Variants in DOCK4 observed in about 807,000 individuals in gnomAD.
DOCK4 encodes dedicator of cytokinesis 4, also known as dedicator of cytokinesis protein 4.
In DOCK4, 97 loss-of-function variants were observed where a neutral mutation model predicts 268.1. The observed-to-expected ratio is 0.36, with a 90% confidence interval of 0.31 to 0.43. The LOEUF is 0.43. Ranked by LOEUF, DOCK4 falls within the 20% of genes least tolerant of loss-of-function variation. The probability of loss-of-function intolerance (pLI) is 1.00; values close to 1 mark genes in which losing one functional copy is unlikely to be tolerated. For synonymous variants in DOCK4, 954 were observed against 887.2 expected, an observed-to-expected ratio of 1.08 and a Z score of -1.34; for missense variants, 2,145 against 2,455.7, an observed-to-expected ratio of 0.87 and a Z score of 2.67.
At chr7:112,034,523 T>C (rs1253501520) in intron 1 of DOCK4, among the ~76,000 whole-genome samples, 1 of 152,234 alleles carries the variant, frequency 6.6e-6, no homozygotes, top group East Asian at 1.9e-4. Context: ...GAAGGCACCC[T>C]GACCACATTC....
At chr7:112,105,991 A>G (rs1032555700) in intron 1 of DOCK4, among the ~76,000 whole-genome samples, 2 of 152,170 alleles carry the variant, frequency 1.3e-5, no homozygotes, top group Non-Finnish European at 2.9e-5. Flanking sequence ...GCGCCCAGCC[A>G]GAGCCTTTAT....
intron 1 of DOCK4, among the ~76,000 whole-genome samples, chr7:112,070,579 G>T: frequency 6.6e-6 from 1 of 152,108 alleles, no homozygotes; most frequent in Non-Finnish European, 1.5e-5. Context: ...GAATATTTAG[G>T]TTCCTGAAGC....
intron 1 of DOCK4, chr7:112,023,619 C>T: frequency 2.2e-6 from 1 of 451,948 alleles, no homozygotes; most frequent in Admixed American, 2.4e-5. Flanking sequence ...TATTGAAGGG[C>T]TTTTGTTTGT....
At chr7:112,118,906 A>G (rs1812436506) in intron 1 of DOCK4, among the ~76,000 whole-genome samples, 1 of 152,056 alleles carries the variant, frequency 6.6e-6, no homozygotes, top group Non-Finnish European at 1.5e-5. Flanking sequence ...TTTTTCCCTA[A>G]ATGTAGATGT....
At chr7:111,801,279 C>G (rs951032441) in intron 30 of DOCK4, among the ~76,000 whole-genome samples, 1 of 152,192 alleles carries the variant, frequency 6.6e-6, no homozygotes, top group Non-Finnish European at 1.5e-5. Context: ...AACATCGCCT[C>G]CTTCAGCCTC....
intron 8 of DOCK4, among the ~76,000 whole-genome samples, chr7:111,969,394 T>G (rs1305115892): frequency 6.8e-6 from 1 of 146,958 alleles, no homozygotes; most frequent in Non-Finnish European, 1.5e-5. Flanking sequence ...CTCCTTTGCA[T>G]CTACAAAATT....
chr7:111,862,451 C>T (rs1196609008), intron 23 of DOCK4, among the ~76,000 whole-genome samples: 1 of 147,372 alleles, frequency 6.8e-6, no homozygotes, highest in Admixed American at 6.8e-5. Flanking sequence ...AAAAATCATA[C>T]ATACACACAC....
intron 1 of DOCK4, among the ~76,000 whole-genome samples, chr7:112,173,572 T>C (rs759359896): frequency 6.6e-6 from 1 of 152,084 alleles, no homozygotes; most frequent in Non-Finnish European, 1.5e-5. Flanking sequence ...AAGGGTTCCA[T>C]TGGGATCTAA....
intron 21 of DOCK4, 63 bp from the exon 22 acceptor site, chr7:111,868,217 A>C: frequency 7.8e-7 from 1 of 1,289,130 alleles, no homozygotes; most frequent in Non-Finnish European, 1.1e-6. Flanking sequence ...TTTAGCAATG[A>C]CACGGCATAA....
chr7:112,143,818 C>T (rs1815160276), intron 1 of DOCK4, among the ~76,000 whole-genome samples: 1 of 152,202 alleles, frequency 6.6e-6, no homozygotes, highest in South Asian at 2.1e-4. Flanking sequence ...CCACATCATT[C>T]ATCTCCTCCT....
chr7:112,156,410 T>G (rs1048875113), intron 1 of DOCK4, among the ~76,000 whole-genome samples: 2 of 152,244 alleles, frequency 1.3e-5, no homozygotes, highest in African/African-American at 4.8e-5. Context: ...TACATTATAA[T>G]TTGGTAAAAA....
intron 15 of DOCK4, among the ~76,000 whole-genome samples, chr7:111,897,060 T>C (rs1808816773): frequency 6.6e-6 from 1 of 152,164 alleles, no homozygotes; most frequent in Non-Finnish European, 1.5e-5. Flanking sequence ...TGAGTCTTCC[T>C]ACGCATGACC....
At chr7:112,128,276 C>G (rs1813430119) in intron 1 of DOCK4, among the ~76,000 whole-genome samples, 1 of 151,796 alleles carries the variant, frequency 6.6e-6, no homozygotes, top group South Asian at 2.1e-4. Context: ...GCCAGCCGCC[C>G]CGTCCGGGAG....
chr7:111,981,791 C>T (rs1218582899), intron 7 of DOCK4, among the ~76,000 whole-genome samples: 1 of 152,104 alleles, frequency 6.6e-6, no homozygotes, highest in African/African-American at 2.4e-5. Context: ...CACCAACGGC[C>T]AACATTGCTA....
At position 112,105,388 on chromosome 7, in the gene DOCK4, A is replaced by G. The variant is rs925597397; in HGVS notation, c.37+100714T>C. 8.1e-4 allele frequency among the ~76,000 whole-genome samples: 123 copies of G among 152,196 alleles called. 1 individual carries two copies. The highest frequency in any genetic ancestry group is 2.8e-3 in the African/African-American group (115 of 41,464). Reference sequence around the variant, plus strand: ...AGCCACCACAAGATAATGGGTAATGAGACCCCTCTGTGCTGTTTGTACAAC... The same window carrying G: ...AGCCACCACAAGATAATGGGTAATGGGACCCCTCTGTGCTGTTTGTACAAC... On this transcript the variant is annotated intron_variant, in intron 1 of 52. Coordinates refer to ENST00000428084, the MANE Select transcript of DOCK4 (RefSeq NM_001363540.2).
At chr7:112,092,838 A>T (rs2135768391) in intron 1 of DOCK4, among the ~76,000 whole-genome samples, 1 of 152,210 alleles carries the variant, frequency 6.6e-6, no homozygotes, top group African/African-American at 2.4e-5. Context: ...CACAGACAGC[A>T]GGCTCTGGGC....
intron 27 of DOCK4, among the ~76,000 whole-genome samples, chr7:111,816,130 A>G (rs1801535030): frequency 6.6e-6 from 1 of 151,918 alleles, no homozygotes; most frequent in Non-Finnish European, 1.5e-5. Context: ...AAGCAACCCT[A>G]TTTCTCCCTC....
At chr7:111,823,276 G>A (rs1368378611) in intron 26 of DOCK4, among the ~76,000 whole-genome samples, 3 of 142,974 alleles carry the variant, frequency 2.1e-5, no homozygotes, top group Non-Finnish European at 4.4e-5. Context: ...GCGTGATCTC[G>A]GCTCACTGCA....
At chr7:111,792,757 T>C (rs1799639718) in intron 30 of DOCK4, among the ~76,000 whole-genome samples, 1 of 152,088 alleles carries the variant, frequency 6.6e-6, no homozygotes, top group African/African-American at 2.4e-5. Context: ...AGATGAGAGC[T>C]GGGAAAACAT....
Sources: gnomAD v4.1 joint callset for allele counts (sites outside exome capture counted in the v4.1 genomes callset) on GRCh38, gnomAD v4.1.1 for gene constraint, MANE v1.5 for transcripts, NCBI Gene and HGNC (gene_info 2026-07-23, HGNC 2026-07-21) for gene names.